The following DAAM1 variants were observed in gnomAD, a reference collection of about 807,000 sequenced individuals.
DAAM1 encodes the protein dishevelled associated activator of morphogenesis 1.
A neutral mutation model predicts 130.0 loss-of-function variants in DAAM1; 52 were observed. The ratio of observed to expected loss-of-function variants is 0.40; its 90% CI spans 0.32 to 0.50. DAAM1 has a LOEUF of 0.50. DAAM1 is among the 20% of genes least tolerant of loss of function. The pLI, the probability that DAAM1 is intolerant of heterozygous loss-of-function variation, is 0.61. For missense variants in DAAM1, 1,134 were observed against 1,303.8 expected, an observed-to-expected ratio of 0.87 and a Z score of 2.01; for synonymous variants, 452 against 444.5, an observed-to-expected ratio of 1.02 and a Z score of -0.21.
intron 2 of DAAM1, among the ~76,000 whole-genome samples, chr14:59,289,835 A>G (rs570179730): frequency 2.0e-5 from 3 of 149,314 alleles, no homozygotes; most frequent in African/African-American, 7.5e-5. Flanking sequence ...CCTTGCAGCA[A>G]CACATATGCC....
intron 22 of DAAM1, 109 bp from the exon 23 acceptor site, chr14:59,363,542 G>A (rs745718080): frequency 4.5e-5 from 66 of 1,481,620 alleles, no homozygotes; most frequent in Non-Finnish European, 5.5e-5. Flanking sequence ...GTTTTGATGT[G>A]TTTGCCATTC....
At chr14:59,333,571 A>C (rs1885522376) in intron 15 of DAAM1, among the ~76,000 whole-genome samples, 1 of 152,198 alleles carries the variant, frequency 6.6e-6, no homozygotes, top group Non-Finnish European at 1.5e-5. Context: ...ATTTCCTGAT[A>C]ATTCAAATAA....
intron 3 of DAAM1, among the ~76,000 whole-genome samples, chr14:59,303,674 A>G (rs1215711743): frequency 6.6e-6 from 1 of 152,106 alleles, no homozygotes; most frequent in Non-Finnish European, 1.5e-5. Context: ...AGGTGGGTGG[A>G]TCATTTGAGG....
rs760982396 is a variant in DAAM1 at position 59,359,393 on chromosome 14, G to T, written c.2526-4G>T. 11 of 1,598,768 alleles carry T rather than the reference G, an allele frequency of 6.9e-6. No homozygotes were observed. The highest frequency in any genetic ancestry group is 9.4e-6 in the Non-Finnish European group (11 of 1,167,024). On this transcript the variant is annotated splice_region_variant and splice_polypyrimidine_tract_variant and intron_variant, in intron 20 of 24. Transcript: ENST00000360909. ...TTTAATACTCTTCCCTTCTTCAATT[G>T]TAGAAACATTACCCTTTTGCACTAT...
At chr14:59,282,567 T>G (rs1883272092) in intron 2 of DAAM1, among the ~76,000 whole-genome samples, 1 of 152,110 alleles carries the variant, frequency 6.6e-6, no homozygotes, top group Non-Finnish European at 1.5e-5. Flanking sequence ...TTTGTATCAG[T>G]GTCGTGATTT....
In DAAM1 at chr14:59,218,682, A is replaced by G. The variant is rs113175985; in HGVS notation, c.-38+29914A>G. On this transcript the variant is annotated intron_variant, in intron 1 of 24. Coordinates refer to ENST00000360909, the MANE Select transcript of DAAM1 (RefSeq NM_001270520.2). ...TTATTTTCTGATGGCACACACATGT[A>G]TGAGTTTCATCTTATGTAGGCTTTG... is the stretch of plus-strand genomic sequence containing the variant. Among the ~76,000 whole-genome samples, 41 of 152,338 alleles carry G rather than the reference A, an allele frequency of 2.7e-4. 1 individual carries two copies. The highest frequency in any genetic ancestry group is 9.1e-4 in the African/African-American group (38 of 41,572).
At chr14:59,297,752 CT>C (rs550706712) in intron 3 of DAAM1, among the ~76,000 whole-genome samples, 48 of 152,214 alleles carry the variant, frequency 3.2e-4, no homozygotes, top group African/African-American at 1.2e-3. Flanking sequence ...TTATTGTTCT[CT>C]TTTATTATTA....
intron 15 of DAAM1, chr14:59,338,295 T>C: frequency 1.5e-6 from 2 of 1,304,872 alleles, no homozygotes; most frequent in African/African-American, 1.5e-5. Flanking sequence ...CTTGTTTCCT[T>C]GACTGCTTTG....
rs552848133 is a variant in DAAM1 at position 59,263,667 on chromosome 14, C to T, written c.183+7C>T. Reference sequence around the variant, plus strand: ...CATGTTCAGTGAACTGGTGGTGAGTCCCAGTTTTCTATCCTGGCATTGGTG... The same window carrying T: ...CATGTTCAGTGAACTGGTGGTGAGTTCCAGTTTTCTATCCTGGCATTGGTG... On this transcript the variant is annotated splice_region_variant and intron_variant, in intron 2 of 24. Coordinates refer to ENST00000360909, the MANE Select transcript of DAAM1 (RefSeq NM_001270520.2). The T allele has an allele frequency of 1.2e-6, 2 of 1,613,546 alleles. No homozygotes were observed. The highest frequency in any genetic ancestry group is 1.1e-5 in the South Asian group (1 of 91,000).
intron 2 of DAAM1, among the ~76,000 whole-genome samples, chr14:59,279,956 A>T (rs1282871116): frequency 6.6e-6 from 1 of 152,244 alleles, no homozygotes; most frequent in Non-Finnish European, 1.5e-5. Context: ...AAGAACATGT[A>T]TGAATGGCCA....
At chr14:59,330,122 C>T (rs957489441) in intron 12 of DAAM1, among the ~76,000 whole-genome samples, 38 of 152,128 alleles carry the variant, frequency 2.5e-4, no homozygotes, top group Non-Finnish European at 1.5e-4. Context: ...TGAAAAGAGG[C>T]CATTTGAATA....
At chr14:59,311,709 G>A (rs563534683) in intron 3 of DAAM1, among the ~76,000 whole-genome samples, 2 of 152,214 alleles carry the variant, frequency 1.3e-5, no homozygotes, top group East Asian at 3.9e-4. Context: ...CTCCCCGACA[G>A]TATATTTGCT....
At chr14:59,238,737 A>G (rs560914275) in intron 1 of DAAM1, among the ~76,000 whole-genome samples, 2 of 152,292 alleles carry the variant, frequency 1.3e-5, no homozygotes, top group African/African-American at 4.8e-5. Context: ...CTAATGAAAC[A>G]CTATAATATT....
Position 59,323,073 on chromosome 14 carries a change from A to C in DAAM1, c.622A>C (p.Ile208Leu), listed in dbSNP as rs1885078363. ...VLAHSESINV[I>L]AQSLSTENIK... is the part of the protein sequence containing the mutation. ...GGCTCATTCTGAGAGTATTAATGTAATTGCTCAGAGTCTGAGCACAGAGAA... is the reference window on the plus strand; with the variant it reads ...GGCTCATTCTGAGAGTATTAATGTACTTGCTCAGAGTCTGAGCACAGAGAA... The change falls in exon 6 of 25, where the codon ATT (isoleucine) becomes CTT (leucine). Residue 208 changes from isoleucine (I) to leucine (L), a missense_variant. Transcript: ENST00000360909. 3 of 1,613,946 alleles carry C rather than the reference A, an allele frequency of 1.9e-6. No homozygotes were observed. The highest frequency in any genetic ancestry group is 2.5e-6 in the Non-Finnish European group (3 of 1,179,896).
chr14:59,344,066 G>T (rs1182517292), intron 16 of DAAM1, among the ~76,000 whole-genome samples: 7 of 152,176 alleles, frequency 4.6e-5, no homozygotes, highest in Non-Finnish European at 1.0e-4. Flanking sequence ...TGGCAGCGGG[G>T]GAGACAGAAA....
chr14:59,236,353 G>A (rs141599870), intron 1 of DAAM1, among the ~76,000 whole-genome samples: 13 of 152,170 alleles, frequency 8.5e-5, no homozygotes, highest in African/African-American at 3.1e-4. Context: ...CACATGGTCT[G>A]GCTCTTGCTA....
chr14:59,349,468 G>A (rs562436179), intron 17 of DAAM1, among the ~76,000 whole-genome samples: 99 of 152,376 alleles, frequency 6.5e-4, no homozygotes, highest in South Asian at 1.7e-3. Flanking sequence ...ATAATTCTGT[G>A]TGTGTCTTGC....
At chr14:59,221,163 G>A (rs1888759568) in intron 1 of DAAM1, among the ~76,000 whole-genome samples, 1 of 152,164 alleles carries the variant, frequency 6.6e-6, no homozygotes, top group African/African-American at 2.4e-5. Flanking sequence ...TCCCTTCTCT[G>A]GAAGTGGAGG....
chr14:59,368,731 G>A lies in DAAM1; in HGVS notation c.3079G>A (p.Val1027Ile). ...AGAAAGCGGAGAGTTTGATGACCTTGTTTCAGCTTTACGCTCAGGAGAAGT... is the reference window on the plus strand; with the variant it reads ...AGAAAGCGGAGAGTTTGATGACCTTATTTCAGCTTTACGCTCAGGAGAAGT... ...SEESGEFDDL[V>I]SALRSGEVFD... Residue 1027 changes from valine to isoleucine, a missense_variant, in exon 25 of 25, where the codon GTT becomes ATT. By Grantham distance (29) the Val-to-Ile change is conservative. Around this residue, in one of 3 missense-constraint regions of DAAM1, gnomAD observed 644 missense variants for 695.9 expected, o/e 0.93. Transcript: ENST00000360909. The A allele has an allele frequency of 2.5e-6, 4 of 1,613,952 alleles. No homozygotes were observed. Among genetic ancestry groups the A allele is most frequent in the Non-Finnish European group, 3.4e-6 (4 of 1,179,920 alleles).
Sources: gnomAD v4.1 joint callset for allele counts (sites outside exome capture counted in the v4.1 genomes callset) on GRCh38, gnomAD v4.1.1 for gene constraint, gnomAD v4.1.1 regional missense constraint, MANE v1.5 for transcripts, NCBI Gene and HGNC (gene_info 2026-07-23, HGNC 2026-07-21) for gene names.